BUB1B: variants seen among roughly 807,000 people sequenced by gnomAD.
The protein encoded by BUB1B is BUB1 mitotic checkpoint serine/threonine kinase B.
In BUB1B, 86 loss-of-function variants were observed where a neutral mutation model predicts 137.7. The observed-to-expected ratio is 0.62, with a 90% CI of 0.52 to 0.75. The LOEUF is 0.75. Ranked by LOEUF, BUB1B falls within the 30% of genes least tolerant of loss-of-function variation. BUB1B has a pLI of 0.00. For synonymous variants in BUB1B, 420 were observed against 417.9 expected (o/e 1.00, Z -0.06); for missense variants, 1,130 against 1,236.9 (o/e 0.91, Z 1.30).
At chr15:40,218,420 A>G (rs1382668731) in intron 21 of BUB1B, 36 bp from the exon 22 acceptor site, 1 of 1,494,462 alleles carries the variant, frequency 6.7e-7, no homozygotes, top group African/African-American at 1.4e-5. Context: ...AGAGGCAGAG[A>G]ATTATTTTAG....
intron 4 of BUB1B, among the ~76,000 whole-genome samples, chr15:40,171,229 C>T (rs975927570): frequency 1.3e-5 from 2 of 152,178 alleles, no homozygotes; most frequent in African/African-American, 4.8e-5. Flanking sequence ...GAGCCAACAC[C>T]CCTAGTCCGG....
chr15:40,185,739 T>A, intron 8 of BUB1B, 97 bp downstream of exon 8: 1 of 1,196,306 alleles, frequency 8.4e-7, no homozygotes, highest in Non-Finnish European at 1.2e-6. Flanking sequence ...TTTATGAAGA[T>A]GAAAGTAACC....
At position 40,199,611 on chromosome 15, in the gene BUB1B, C is replaced by T. The variant is rs751705326; in HGVS notation, c.1289-4C>T. On this transcript the variant is annotated splice_region_variant and splice_polypyrimidine_tract_variant and intron_variant, in intron 9 of 22. Coordinates refer to ENST00000287598, the MANE Select transcript of BUB1B (RefSeq NM_001211.6). The stretch of plus-strand genomic sequence containing the variant: ...AATACCTCAAGCAACTTTACTGTTT[C>T]TAGCCGAGCTATTGACCAGTGCAGA... 6.8e-6 allele frequency: 11 copies of T among 1,612,504 alleles called. No individual in the cohort carries two copies. In the Admixed American group the frequency reaches 1.8e-4, roughly 27 times the overall value.
Position 40,162,456 on chromosome 15 carries a change from A to T in BUB1B, c.35+1201A>T, listed in dbSNP as rs1024053823. 1.3e-4 allele frequency among the ~76,000 whole-genome samples: 20 copies of T among 152,352 alleles called. 1 individual carries two copies. The East Asian group carries it at 3.5e-3, about 26-fold the overall frequency. On this transcript the variant is annotated intron_variant, in intron 1 of 22. Coordinates refer to ENST00000287598, the MANE Select transcript of BUB1B (RefSeq NM_001211.6). Reference sequence around the variant, plus strand: ...CTTTGGCTGTAGTGTTGAATACACTAAAGGCAGCAAAGGATGGAAGCAAGG... The same window carrying T: ...CTTTGGCTGTAGTGTTGAATACACTTAAGGCAGCAAAGGATGGAAGCAAGG...
At chr15:40,211,614 A>G (rs2037712579) in intron 18 of BUB1B, among the ~76,000 whole-genome samples, 1 of 152,184 alleles carries the variant, frequency 6.6e-6, no homozygotes, top group Non-Finnish European at 1.5e-5. Flanking sequence ...TAACTGCTGC[A>G]TATATAACAT....
Position 40,210,167 on chromosome 15 carries a change from T to G in BUB1B, c.2342T>G (p.Phe781Cys). The change falls in exon 18 of 23, where the codon TTC becomes TGC. Residue 781 changes from phenylalanine to cysteine, a missense_variant. By Grantham distance (205) the Phe-to-Cys change is radical (BLOSUM62 -2). Coordinates refer to ENST00000287598, the MANE Select transcript of BUB1B (RefSeq NM_001211.6). ...CTAATATGTGAAGATTACAAGTTAT[T>G]CTGGGTGGCGCCAAGAAACTCTGCA... ...EYLICEDYKL[F>C]WVAPRNSAEL... 1 of 1,612,776 alleles carries G rather than the reference T, an allele frequency of 6.2e-7. No individual in the cohort carries two copies. Among genetic ancestry groups the G allele is most frequent in the Non-Finnish European group, 8.5e-7 (1 of 1,178,946 alleles).
chr15:40,174,039 T>A, intron 4 of BUB1B: 1 of 391,902 alleles, frequency 2.6e-6, no homozygotes, highest in Non-Finnish European at 4.9e-6. Flanking sequence ...TATTTAACTT[T>A]TAGATCTATT....
At position 40,196,740 on chromosome 15, in the gene BUB1B, A is replaced by G; in HGVS notation, c.1254A>G (p.Glu418=). 6.2e-7 allele frequency: 1 copy of G among 1,614,052 alleles called. No individual in the cohort carries two copies. Among genetic ancestry groups the G allele is most frequent in the Non-Finnish European group, 8.5e-7 (1 of 1,179,912 alleles). Residue 418 remains glutamate, a synonymous_variant, in exon 9 of 23, where the codon GAA becomes GAG. Transcript: ENST00000287598. ...TCTCCTTTGAAGAAATTCGGGCTGAAGTTTTCCGGAAGAAATTAAAAGAGC... is the reference window on the plus strand; with the variant it reads ...TCTCCTTTGAAGAAATTCGGGCTGAGGTTTTCCGGAAGAAATTAAAAGAGC... ...GEFSFEEIRA[E]VFRKKLKEQR... is the part of the protein sequence containing the mutation.
At chr15:40,206,911 G>A (rs1040506188) in intron 15 of BUB1B, among the ~76,000 whole-genome samples, 6 of 152,190 alleles carry the variant, frequency 3.9e-5, no homozygotes, top group African/African-American at 7.2e-5. Flanking sequence ...CCGGGTTCAA[G>A]CGATTCTCCT....
intron 8 of BUB1B, among the ~76,000 whole-genome samples, chr15:40,187,269 G>A (rs906582237): frequency 2.6e-5 from 4 of 152,070 alleles, no homozygotes; most frequent in African/African-American, 9.7e-5. Context: ...GGGACTACAG[G>A]CGCCTGCCAC....
At chr15:40,185,687 TG>T in intron 8 of BUB1B, 45 bp downstream of exon 8, 1 of 1,554,730 alleles carries the variant, frequency 6.4e-7, no homozygotes, top group Non-Finnish European at 8.9e-7. Context: ...TTATTAAGGG[TG>T]GGCAGAGGCA....
At chr15:40,204,849 T>A (rs1027355216) in intron 14 of BUB1B, among the ~76,000 whole-genome samples, 1 of 151,814 alleles carries the variant, frequency 6.6e-6, no homozygotes, top group Non-Finnish European at 1.5e-5. Context: ...TTGCCCAAGC[T>A]GGTCTCAAAC....
In BUB1B at chr15:40,185,220, T is replaced by C; in HGVS notation, c.807T>C (p.Asn269=). 1 of 1,614,140 alleles carries C rather than the reference T, an allele frequency of 6.2e-7. No individual in the cohort carries two copies. The highest frequency in any genetic ancestry group is 8.5e-7 in the Non-Finnish European group (1 of 1,180,008). ...CATTTCCTCAACAGATGCAAAATAA[T>C]AGTAGAATTACTGTTTTTGATGAAA... ...QNPFPQQMQN[N]SRITVFDENA... is the part of the protein sequence containing the mutation. Residue 269 remains asparagine, a synonymous_variant, in exon 7 of 23, where the codon AAT becomes AAC. Coordinates refer to ENST00000287598, the MANE Select transcript of BUB1B (RefSeq NM_001211.6).
intron 9 of BUB1B, among the ~76,000 whole-genome samples, chr15:40,198,685 A>G (rs1456503020): frequency 1.3e-5 from 2 of 152,056 alleles, no homozygotes; most frequent in Non-Finnish European, 1.5e-5. Flanking sequence ...ATTCTTTTCT[A>G]TCTCCTGAGC....
At chr15:40,161,373 C>T in intron 1 of BUB1B, 118 bp downstream of exon 1, 1 of 1,168,344 alleles carries the variant, frequency 8.6e-7, no homozygotes, top group Non-Finnish European at 1.1e-6. Flanking sequence ...ACAGACCCCA[C>T]CGGAGCCTCC....
intron 9 of BUB1B, among the ~76,000 whole-genome samples, chr15:40,198,293 T>C (rs1595527141): frequency 6.6e-6 from 1 of 151,700 alleles, no homozygotes; most frequent in East Asian, 1.9e-4. Context: ...CCCAGGCTGG[T>C]CTCAAACTCC....
At chr15:40,213,576 C>T in intron 20 of BUB1B, 102 bp downstream of exon 20, 1 of 1,326,470 alleles carries the variant, frequency 7.5e-7, no homozygotes, top group Non-Finnish European at 1.1e-6. Context: ...CACTCTGTCA[C>T]CTAGGTTGGA....
At chr15:40,218,188 T>C (rs1046315387) in intron 21 of BUB1B, among the ~76,000 whole-genome samples, 8 of 152,240 alleles carry the variant, frequency 5.3e-5, no homozygotes, top group African/African-American at 1.9e-4. Context: ...CTGGAGTTCA[T>C]GCAAACTCAG....
chr15:40,194,510 A>G (rs537534279), intron 8 of BUB1B, among the ~76,000 whole-genome samples: 21 of 152,258 alleles, frequency 1.4e-4, no homozygotes, highest in African/African-American at 4.6e-4. Context: ...AGTTGGGGAA[A>G]CTTTTTAAGC....
Sources: allele counts gnomAD v4.1 joint callset (sites outside exome capture counted in the v4.1 genomes callset), GRCh38; gene constraint gnomAD v4.1.1; transcripts MANE v1.5; gene names NCBI Gene and HGNC (gene_info 2026-07-23, HGNC 2026-07-21).